The following AKAP6 variants were observed in gnomAD, a reference collection of about 807,000 sequenced individuals.
AKAP6 encodes A-kinase anchoring protein 6.
Under a neutral mutation model 188.5 loss-of-function variants are expected in AKAP6, and 58 were observed. The observed-to-expected ratio is 0.31, with a 90% confidence interval of 0.25 to 0.38. AKAP6 has a LOEUF of 0.38. Among genes scored for constraint, AKAP6 ranks in the 10% least tolerant of loss-of-function variants. The probability of loss-of-function intolerance (pLI) is 1.00; values close to 1 mark genes in which losing one functional copy is unlikely to be tolerated. For synonymous variants in AKAP6, 989 were observed against 998.6 expected, an observed-to-expected ratio of 0.99 and a Z score of 0.18; for missense variants, 2,710 against 2,740.0, an observed-to-expected ratio of 0.99 and a Z score of 0.24.
chr14:32,641,622 C>T (rs1232131235), intron 7 of AKAP6, among the ~76,000 whole-genome samples: 3 of 152,022 alleles, frequency 2.0e-5, no homozygotes, highest in Non-Finnish European at 4.4e-5. Flanking sequence ...TTCCAGAGGA[C>T]AATCCTTGAA....
At chr14:32,723,488 T>G (rs955123094) in intron 9 of AKAP6, among the ~76,000 whole-genome samples, 2 of 152,074 alleles carry the variant, frequency 1.3e-5, no homozygotes, top group African/African-American at 4.8e-5. Flanking sequence ...TGTGTAGTGT[T>G]AAAAAGTTTT....
intron 1 of AKAP6, among the ~76,000 whole-genome samples, chr14:32,360,887 G>A (rs909858545): frequency 3.3e-5 from 5 of 151,726 alleles, no homozygotes; most frequent in African/African-American, 1.2e-4. Flanking sequence ...GGGACCATAA[G>A]CACGTGCCAC....
chr14:32,544,045 A>G (rs950254915), intron 3 of AKAP6, among the ~76,000 whole-genome samples: 1 of 152,158 alleles, frequency 6.6e-6, no homozygotes, highest in Middle Eastern at 3.2e-3. Context: ...GAACATTCCA[A>G]AAACAAAAAC....
intron 12 of AKAP6, among the ~76,000 whole-genome samples, chr14:32,791,024 G>A (rs962215648): frequency 1.3e-5 from 2 of 152,094 alleles, no homozygotes; most frequent in Non-Finnish European, 2.9e-5. Flanking sequence ...ATCATTGGTG[G>A]GCATTTGGAT....
chr14:32,434,492 C>G (rs1198148859), intron 2 of AKAP6, among the ~76,000 whole-genome samples: 1 of 152,136 alleles, frequency 6.6e-6, no homozygotes, highest in Non-Finnish European at 1.5e-5. Context: ...TGAACCTCGC[C>G]CTGCCATAGT....
At chr14:32,371,464 G>C (rs1888004192) in intron 1 of AKAP6, among the ~76,000 whole-genome samples, 1 of 152,308 alleles carries the variant, frequency 6.6e-6, no homozygotes, top group East Asian at 1.9e-4. Context: ...AGAATTAGCT[G>C]GGCGTGGGGG....
chr14:32,651,132 A>T (rs1888205312), intron 7 of AKAP6, among the ~76,000 whole-genome samples: 1 of 152,184 alleles, frequency 6.6e-6, no homozygotes, highest in Non-Finnish European at 1.5e-5. Context: ...GAATCTGTGC[A>T]GGCCTCTTTG....
intron 2 of AKAP6, among the ~76,000 whole-genome samples, chr14:32,519,306 C>T (rs1391985754): frequency 1.3e-5 from 2 of 152,176 alleles, no homozygotes; most frequent in African/African-American, 4.8e-5. Flanking sequence ...AAATAACCAA[C>T]TAACATCATA....
At chr14:32,703,191 G>C (rs562212964) in intron 9 of AKAP6, among the ~76,000 whole-genome samples, 29 of 152,224 alleles carry the variant, frequency 1.9e-4, no homozygotes, top group African/African-American at 1.4e-4. Context: ...GCGGGGAGAG[G>C]GGGGCTTGGA....
intron 12 of AKAP6, among the ~76,000 whole-genome samples, chr14:32,808,105 CATT>C (rs1307888498): frequency 6.6e-6 from 1 of 152,352 alleles, no homozygotes; most frequent in African/African-American, 2.4e-5. Context: ...CTATCACCAT[CATT>C]ATTATTTGTG....
At chr14:32,621,246 A>G (rs899281473) in intron 7 of AKAP6, among the ~76,000 whole-genome samples, 4 of 151,378 alleles carry the variant, frequency 2.6e-5, no homozygotes, top group African/African-American at 7.3e-5. Flanking sequence ...TTATTTCTCT[A>G]CTTTCTTGAG....
chr14:32,549,907 C>A (rs967198014), intron 4 of AKAP6, among the ~76,000 whole-genome samples: 3 of 152,178 alleles, frequency 2.0e-5, no homozygotes, highest in Non-Finnish European at 4.4e-5. Context: ...GCAGACATGG[C>A]GGTGACCAGG....
chr14:32,511,485 C>T (rs1341830527), intron 2 of AKAP6, among the ~76,000 whole-genome samples: 4 of 151,628 alleles, frequency 2.6e-5, no homozygotes, highest in Admixed American at 6.6e-5. Context: ...AAGCAATTCT[C>T]CTGCCTCAGC....
At chr14:32,420,970 T>C (rs1889828602) in intron 1 of AKAP6, among the ~76,000 whole-genome samples, 1 of 151,224 alleles carries the variant, frequency 6.6e-6, no homozygotes, top group African/African-American at 2.4e-5. Flanking sequence ...TTCTACCCTC[T>C]CATTGATTAT....
intron 4 of AKAP6, among the ~76,000 whole-genome samples, chr14:32,560,423 G>A (rs1176208119): frequency 6.6e-6 from 1 of 152,106 alleles, no homozygotes; most frequent in Non-Finnish European, 1.5e-5. Context: ...GCTTTCAATG[G>A]GTCTTGAGTT....
intron 1 of AKAP6, among the ~76,000 whole-genome samples, chr14:32,364,708 A>G (rs927340719): frequency 2.6e-5 from 4 of 152,170 alleles, no homozygotes; most frequent in Admixed American, 2.0e-4. Context: ...TTTTTACTCC[A>G]AAGAAAAATC....
intron 2 of AKAP6, among the ~76,000 whole-genome samples, chr14:32,467,635 C>T (rs886320283): frequency 6.6e-6 from 1 of 151,912 alleles, no homozygotes; most frequent in Admixed American, 6.6e-5. Flanking sequence ...CTTGTCTCTG[C>T]TTGTCTATAA....
chr14:32,534,112 A>T (rs1882559691), intron 2 of AKAP6, among the ~76,000 whole-genome samples: 1 of 152,124 alleles, frequency 6.6e-6, no homozygotes, highest in Non-Finnish European at 1.5e-5. Flanking sequence ...TCCCTTGTAC[A>T]TTTTTAAATA....
chr14:32,370,231 C>G (rs1396614811), intron 1 of AKAP6, among the ~76,000 whole-genome samples: 1 of 152,164 alleles, frequency 6.6e-6, no homozygotes, highest in Non-Finnish European at 1.5e-5. Context: ...TTAGCACAAA[C>G]CAGAAACTGC....
Sources: allele counts gnomAD v4.1 joint callset (sites outside exome capture counted in the v4.1 genomes callset), GRCh38; gene constraint gnomAD v4.1.1; transcripts MANE v1.5; gene names NCBI Gene and HGNC (gene_info 2026-07-23, HGNC 2026-07-21).